Variants in ABCC3 observed in about 807,000 individuals in gnomAD.
ABCC3 encodes the protein ATP-binding cassette sub-family C member 3.
Under a neutral mutation model 165.3 loss-of-function variants are expected in ABCC3, and 121 were observed. That is an observed-to-expected ratio of 0.73 (90% CI 0.63 to 0.85). The LOEUF is 0.85. Among genes scored for constraint, ABCC3 ranks in the 40% least tolerant of loss-of-function variants. The pLI is 0.00. For missense variants in ABCC3, 1,869 were observed against 1,964.1 expected (o/e 0.95, Z 0.92); for synonymous variants, 733 against 810.1 (o/e 0.90, Z 1.62).
Position 50,658,171 on chromosome 17 carries a change from G to A in ABCC3, c.576G>A (p.Glu192=). The change falls in exon 5 of 31, where the codon GAG becomes GAA. Residue 192 remains glutamate, a synonymous_variant. Coordinates refer to ENST00000285238, the MANE Select transcript of ABCC3 (RefSeq NM_003786.4). The stretch of plus-strand genomic sequence containing the variant: ...CCCTCATCTTGGCCTGCTTCAGGGA[G>A]AAACCTCCATTTTTCTCCGCAAAGA... ...LSALILACFR[E]KPPFFSAKNV... is the part of the protein sequence containing the mutation. 1 of 1,614,210 alleles carries A rather than the reference G, an allele frequency of 6.2e-7. No homozygotes were observed.
At position 50,673,974 on chromosome 17, in the gene ABCC3, TTCTTTC is replaced by T. The variant is rs1567835538; in HGVS notation, c.2599+320_2599+325del. On this transcript the variant is annotated intron_variant, in intron 19 of 30. Transcript: ENST00000285238. Reference sequence around the variant, plus strand: ...TTTCTTTCTTTCTTTCTTTCTTTCTTTCTTTCTCTCTCTCTCTCTCTCTCTCTCTCT... The same window carrying T: ...TTTCTTTCTTTCTTTCTTTCTTTCTTTCTCTCTCTCTCTCTCTCTCTCTCT... Among the ~76,000 whole-genome samples, 91 of 13,278 alleles carry T rather than the reference TTCTTTC, an allele frequency of 6.9e-3. 17 individuals are homozygous for T. Among genetic ancestry groups the T allele is most frequent in the Non-Finnish European group, 8.8e-3 (65 of 7,408 alleles). The allele number at this position is 13,278 out of a possible 152,430, so 8.7% of individuals were successfully genotyped here.
intron 13 of ABCC3, 100 bp from the exon 14 acceptor site, chr17:50,668,330 A>G: frequency 9.9e-7 from 1 of 1,013,124 alleles, no homozygotes; most frequent in Non-Finnish European, 1.5e-6. Flanking sequence ...CTGGGCCCTC[A>G]GGGGGTCCTG....
rs1567835544 is a variant in ABCC3 at position 50,673,975 on chromosome 17, T to TCCTTCCTTCCTTCCTTCCTTCCTTC, written c.2599+318_2599+319insCTTCCTTCCTTCCTTCCTTCCTTCC. On this transcript the variant is annotated intron_variant, in intron 19 of 30. Transcript: ENST00000285238. ...TTCTTTCTTTCTTTCTTTCTTTCTT[T>TCCTTCCTTCCTTCCTTCCTTCCTTC]CTTTCTCTCTCTCTCTCTCTCTCTC... 8.1e-4 allele frequency among the ~76,000 whole-genome samples: 10 copies of TCCTTCCTTCCTTCCTTCCTTCCTTC among 12,274 alleles called. 1 individual carries two copies. Among genetic ancestry groups the TCCTTCCTTCCTTCCTTCCTTCCTTC allele is most frequent in the African/African-American group, 1.5e-3 (4 of 2,636 alleles). The allele number at this position is 12,274 out of a possible 152,430, so 8.1% of individuals were successfully genotyped here. A position where few individuals can be genotyped will look rare whatever the true frequency, so the allele number is the denominator to read the frequency against.
chr17:50,680,220 G>A (rs2146638448), intron 26 of ABCC3, among the ~76,000 whole-genome samples: 1 of 152,272 alleles, frequency 6.6e-6, no homozygotes, highest in East Asian at 1.9e-4. Flanking sequence ...CTTCAGCTGG[G>A]GTGACCAGGG....
At chr17:50,668,095 C>A in intron 13 of ABCC3, 86 bp downstream of exon 13, 1 of 1,178,058 alleles carries the variant, frequency 8.5e-7, no homozygotes, top group South Asian at 1.3e-5. Context: ...AAGGGATAAT[C>A]AGGGGGAGTT....
In ABCC3 at chr17:50,678,137, T is replaced by A. The variant is rs1397349300; in HGVS notation, c.3623T>A (p.Leu1208His). Residue 1208 changes from leucine to histidine, a missense_variant, in exon 25 of 31, where the codon CTC becomes CAC. By Grantham distance (99) the Leu-to-His change is moderately conservative. Transcript: ENST00000285238. ...GAGTTCGTGGGGAACTGCGTGGTGC[T>A]CTTTGCTGCACTATTTGCCGTCATC... Reference protein sequence around the residue: ...GVEFVGNCVVLFAALFAVIGR... With the variant: ...GVEFVGNCVVHFAALFAVIGR... The A allele has an allele frequency of 1.9e-6, 3 of 1,576,728 alleles. No individual in the cohort carries two copies. In the African/African-American group the frequency reaches 4.1e-5, roughly 21 times the overall value.
chr17:50,653,356 A>G (rs1967151783), intron 1 of ABCC3, among the ~76,000 whole-genome samples: 1 of 151,504 alleles, frequency 6.6e-6, no homozygotes. Context: ...AAAAAAAAAA[A>G]AAAAAAAGAA....
intron 29 of ABCC3, chr17:50,687,203 A>G (rs776878422): frequency 2.1e-5 from 7 of 325,666 alleles, no homozygotes; most frequent in Non-Finnish European, 3.5e-5. Context: ...ACTAAGGTGT[A>G]AATGGCTGAT....
At chr17:50,644,799 A>C (rs1204699951) in intron 1 of ABCC3, among the ~76,000 whole-genome samples, 1 of 152,174 alleles carries the variant, frequency 6.6e-6, no homozygotes, top group Non-Finnish European at 1.5e-5. Flanking sequence ...TGGGCAGATC[A>C]CAAGGTCAGG....
At position 50,691,073 on chromosome 17, in the gene ABCC3, TTC is replaced by T. The variant is rs1192065000; in HGVS notation, c.4476-13_4476-12del. ...TCAGGGCTGATGGAAACCTGACCAC[TTC>T]TCTCTTTTTTGACTAGGGTCCTGGT... On this transcript the variant is annotated splice_polypyrimidine_tract_variant and intron_variant, in intron 30 of 30. Transcript: ENST00000285238. The T allele has an allele frequency of 1.3e-6, 2 of 1,599,876 alleles. No homozygotes were observed. Among genetic ancestry groups the T allele is most frequent in the Non-Finnish European group, 1.7e-6 (2 of 1,167,104 alleles).
chr17:50,682,169 C>T (rs998476470), intron 26 of ABCC3, among the ~76,000 whole-genome samples: 2 of 152,008 alleles, frequency 1.3e-5, no homozygotes, highest in African/African-American at 2.4e-5. Flanking sequence ...GGAAGAACTG[C>T]GCGTTTAGAG....
Position 50,684,026 on chromosome 17 carries a change from G to C in ABCC3, c.4032G>C (p.Lys1344Asn), listed in dbSNP as rs376990348. 6.2e-7 allele frequency: 1 copy of C among 1,612,932 alleles called. No individual in the cohort carries two copies. The highest frequency in any genetic ancestry group is 8.5e-7 in the Non-Finnish European group (1 of 1,179,698). The change falls in exon 28 of 31, where the codon AAG becomes AAC. Residue 1344 changes from lysine to asparagine, a missense_variant. Lys to Asn is a moderately conservative substitution (Grantham distance 94). Coordinates refer to ENST00000285238, the MANE Select transcript of ABCC3 (RefSeq NM_003786.4). ...TGTTCCGCATCCTGGAGGCGGCAAA[G>C]GGTGAAATCCGCATTGATGGCCTCA... is the stretch of plus-strand genomic sequence containing the variant. ...LCLFRILEAA[K>N]GEIRIDGLNV...
At chr17:50,647,277 A>G (rs1325664874) in intron 1 of ABCC3, among the ~76,000 whole-genome samples, 1 of 152,258 alleles carries the variant, frequency 6.6e-6, no homozygotes, top group Non-Finnish European at 1.5e-5. Flanking sequence ...GCTTCCATCA[A>G]GAATCAATAG....
chr17:50,662,027 A>C (rs1443986570), intron 8 of ABCC3: 1 of 152,276 alleles, frequency 6.6e-6, no homozygotes. Context: ...AAACAGAGAG[A>C]GGGAGAGCTA....
Position 50,679,792 on chromosome 17 carries a change from G to A in ABCC3, c.3706-6G>A. ...GCCATACGTATAACCCAGTCCCTTTGGCCAGGTGACATTTGCTCTGAACTG... is the reference window on the plus strand; with the variant it reads ...GCCATACGTATAACCCAGTCCCTTTAGCCAGGTGACATTTGCTCTGAACTG... On this transcript the variant is annotated splice_region_variant and splice_polypyrimidine_tract_variant and intron_variant, in intron 25 of 30. Transcript: ENST00000285238. 1 of 1,613,698 alleles carries A rather than the reference G, an allele frequency of 6.2e-7. No individual in the cohort carries two copies. Among genetic ancestry groups the A allele is most frequent in the Non-Finnish European group, 8.5e-7 (1 of 1,179,650 alleles).
intron 1 of ABCC3, among the ~76,000 whole-genome samples, chr17:50,640,946 T>C (rs980854422): frequency 1.1e-4 from 16 of 152,230 alleles, no homozygotes; most frequent in Admixed American, 9.2e-4. Context: ...TATCTGGGAC[T>C]TCAGGAGCTG....
At chr17:50,673,975 T>TCCTTCCTTCCTTC (rs1567835544) in intron 19 of ABCC3, among the ~76,000 whole-genome samples, 3 of 12,272 alleles carry the variant, frequency 2.4e-4, no homozygotes, top group Non-Finnish European at 4.4e-4. Flanking sequence ...TTTCTTTCTT[T>TCCTTCCTTCCTTC]CTTTCTCTCT....
intron 8 of ABCC3, chr17:50,663,183 G>C (rs1328671346): frequency 6.1e-6 from 1 of 163,626 alleles, no homozygotes; most frequent in Non-Finnish European, 1.3e-5. Context: ...GGGAAGAGAA[G>C]AGAGGTGAAG....
intron 29 of ABCC3, among the ~76,000 whole-genome samples, chr17:50,686,767 C>T (rs1195688978): frequency 3.9e-5 from 6 of 152,120 alleles, no homozygotes; most frequent in East Asian, 1.9e-4. Context: ...GAGTTCTATC[C>T]GGCGGCTTAT....
Sources: allele counts gnomAD v4.1 joint callset (sites outside exome capture counted in the v4.1 genomes callset), GRCh38; gene constraint gnomAD v4.1.1; transcripts MANE v1.5; gene names NCBI Gene and HGNC (gene_info 2026-07-23, HGNC 2026-07-21).